The following MME variants were observed in gnomAD, a reference collection of about 807,000 sequenced individuals.
MME encodes neprilysin.
A neutral mutation model predicts 113.2 loss-of-function variants in MME; 98 were observed. The ratio of observed to expected loss-of-function variants is 0.87; its 90% CI spans 0.74 to 1.02. The LOEUF (loss-of-function observed/expected upper bound fraction) is 1.02, where lower values mean the gene tolerates loss of function less well. Among genes scored for constraint, MME ranks in the 50% least tolerant of loss-of-function variants. The pLI is 0.00. For missense variants in MME, 836 were observed against 896.0 expected (o/e 0.93, Z 0.86); for synonymous variants, 292 against 300.6 (o/e 0.97, Z 0.30).
chr3:155,100,085 A>G (rs1717075226), intron 3 of MME, among the ~76,000 whole-genome samples: 1 of 152,262 alleles, frequency 6.6e-6, no homozygotes, highest in Non-Finnish European at 1.5e-5. Context: ...TCTGCGCAGC[A>G]AAAGAAACTA....
intron 16 of MME, among the ~76,000 whole-genome samples, chr3:155,152,233 T>C (rs1023296621): frequency 2.0e-5 from 3 of 152,146 alleles, no homozygotes; most frequent in East Asian, 1.9e-4. Flanking sequence ...ATGCCCTGGT[T>C]CATCTAACAG....
chr3:155,091,877 C>A (rs1318466279), intron 3 of MME, among the ~76,000 whole-genome samples: 1 of 152,124 alleles, frequency 6.6e-6, no homozygotes, highest in Non-Finnish European at 1.5e-5. Flanking sequence ...TATTTCTGAA[C>A]CAGCTGAAAA....
At chr3:155,076,821 G>A (rs1714764498), upstream of MME, among the ~76,000 whole-genome samples, 1 of 152,198 alleles carries the variant, frequency 6.6e-6, no homozygotes, top group Admixed American at 6.5e-5. Flanking sequence ...TCTGGATGTT[G>A]CTATAGCATT....
At chr3:155,148,757 G>T in intron 16 of MME, 104 bp downstream of exon 16, 4 of 812,498 alleles carry the variant, frequency 4.9e-6, no homozygotes, top group Non-Finnish European at 8.3e-6. Context: ...ATATTAAAAA[G>T]TACAAAGTCC....
At chr3:155,061,251 G>C (rs113439782) in intron 1 of MME, among the ~76,000 whole-genome samples, 16 of 152,194 alleles carry the variant, frequency 1.1e-4, no homozygotes, top group Admixed American at 4.6e-4. Flanking sequence ...TGGAGATAGA[G>C]ACCATCCTGG....
intron 14 of MME, among the ~76,000 whole-genome samples, chr3:155,146,056 T>A (rs1192357540): frequency 6.6e-6 from 1 of 151,786 alleles, no homozygotes; most frequent in Non-Finnish European, 1.5e-5. Flanking sequence ...AAATTTAAAT[T>A]AATTAAATTA....
In MME at chr3:155,039,732, G is replaced by A. The variant is rs139307351; in HGVS notation, c.-11+15408G>A. ...TTAGAGGAAAAAGGGATAATCATGT[G>A]TGCAGCTTACTCTTAAATGATTTAG... On this transcript the variant is annotated intron_variant, in intron 1 of 22. Transcript: ENST00000492661. Among the ~76,000 whole-genome samples, 1,067 of 152,070 alleles carry A rather than the reference G, an allele frequency of 7.0e-3. 10 individuals are homozygous for A. The highest frequency in any genetic ancestry group is 0.025 in the African/African-American group (1,030 of 41,476).
intron 3 of MME, among the ~76,000 whole-genome samples, chr3:155,100,286 C>T (rs963540701): frequency 2.6e-5 from 4 of 152,168 alleles, no homozygotes; most frequent in Non-Finnish European, 4.4e-5. Context: ...ATGCATCCGA[C>T]AGACACATGA....
At chr3:155,094,521 A>G (rs1487614413) in intron 3 of MME, among the ~76,000 whole-genome samples, 3 of 152,236 alleles carry the variant, frequency 2.0e-5, no homozygotes, top group Non-Finnish European at 4.4e-5. Flanking sequence ...AATCAAATCA[A>G]AAGGCGAACA....
rs931662095 is a variant in MME, at chr3:155,166,091, A to T, written c.1661-811A>T. Among the ~76,000 whole-genome samples the T allele has an allele frequency of 5.9e-5, 9 of 152,222 alleles. No individual in the cohort carries two copies. In the South Asian group the frequency reaches 1.9e-3, roughly 31 times the overall value. ...ATCATTCATTTATTTATCATTGATTATTCATTGATTCAGCACATTTCCTGA... is the reference window on the plus strand; with the variant it reads ...ATCATTCATTTATTTATCATTGATTTTTCATTGATTCAGCACATTTCCTGA... On this transcript the variant is annotated intron_variant, in intron 17 of 22. Coordinates refer to ENST00000360490, the MANE Select transcript of MME (RefSeq NM_007289.4).
chr3:155,056,547 TG>T (rs1176231830), intron 1 of MME, among the ~76,000 whole-genome samples: 6 of 149,434 alleles, frequency 4.0e-5, no homozygotes, highest in Admixed American at 6.6e-5. Context: ...GTGGTGTATA[TG>T]TGCCACATTT....
At chr3:155,078,508 C>G (rs932706591), upstream of MME, among the ~76,000 whole-genome samples, 5 of 152,062 alleles carry the variant, frequency 3.3e-5, no homozygotes, top group Non-Finnish European at 7.4e-5. Flanking sequence ...CCTTGCTTTT[C>G]AGCTTTCTCT....
At chr3:155,063,498 TAAATATATATATTTA>T (rs1332673338) in intron 1 of MME, among the ~76,000 whole-genome samples, 20 of 110,512 alleles carry the variant, frequency 1.8e-4, no homozygotes, top group African/African-American at 7.2e-4. Context: ...TATATATATT[TAAATATATATATTTA>T]AATATATATA....
intron 22 of MME, among the ~76,000 whole-genome samples, chr3:155,174,077 A>G (rs1712260956): frequency 6.6e-6 from 1 of 152,006 alleles, no homozygotes; most frequent in African/African-American, 2.4e-5. Flanking sequence ...TGCATTTTGT[A>G]ATAGTTCCCT....
intron 1 of MME, among the ~76,000 whole-genome samples, chr3:155,058,254 G>C (rs966638013): frequency 6.6e-6 from 1 of 152,186 alleles, no homozygotes; most frequent in Non-Finnish European, 1.5e-5. Context: ...TTCAGGTCCA[G>C]AAGTAGGATG....
At chr3:155,053,734 CT>C (rs2108129738) in intron 1 of MME, among the ~76,000 whole-genome samples, 1 of 152,258 alleles carries the variant, frequency 6.6e-6, no homozygotes, top group African/African-American at 2.4e-5. Flanking sequence ...GCTGATAGAG[CT>C]ATTCAGTCAC....
intron 1 of MME, among the ~76,000 whole-genome samples, chr3:155,053,347 GAC>G (rs1713822245): frequency 1.3e-5 from 2 of 152,144 alleles, no homozygotes; most frequent in African/African-American, 4.8e-5. Flanking sequence ...AGGTTTAATT[GAC>G]ACAGTTCCAC....
intron 1 of MME, among the ~76,000 whole-genome samples, chr3:155,032,424 A>G (rs993135217): frequency 6.6e-6 from 1 of 152,246 alleles, no homozygotes; most frequent in South Asian, 2.1e-4. Context: ...AGTAAAAAGT[A>G]AAAATCCCAA....
chr3:155,079,624 A>AGGGGGGGGGG (rs1559902583), upstream of MME: 2 of 1,910 alleles, frequency 1.0e-3, no homozygotes, highest in Non-Finnish European at 2.3e-3. Context: ...GAGGCGGGGT[A>AGGGGGGGGGG]GGGGGTGGGG....
Sources: allele counts gnomAD v4.1 joint callset (sites outside exome capture counted in the v4.1 genomes callset), GRCh38; gene constraint gnomAD v4.1.1; transcripts MANE v1.5; gene names NCBI Gene and HGNC (gene_info 2026-07-23, HGNC 2026-07-21).